SOAT2: variants seen among roughly 807,000 people sequenced by gnomAD.
SOAT2 encodes the protein sterol O-acyltransferase 2.
Under a neutral mutation model 76.0 loss-of-function variants are expected in SOAT2, and 87 were observed. The ratio of observed to expected loss-of-function variants is 1.14; its 90% CI spans 0.96 to 1.37. The LOEUF is 1.37. Ranked by LOEUF, SOAT2 falls within the 40% of genes most tolerant of loss-of-function variation. SOAT2 has a pLI of 0.00. For synonymous variants in SOAT2, 285 were observed against 275.4 expected (o/e 1.03, Z -0.34); for missense variants, 686 against 682.1 (o/e 1.01, Z -0.06).
At position 53,115,700 on chromosome 12, in the gene SOAT2, G is replaced by C. The variant is rs996535344; in HGVS notation, c.708+46G>C. The C allele has an allele frequency of 6.1e-6, 9 of 1,465,364 alleles. No homozygotes were observed. The Admixed American group carries it at 7.5e-5, about 12-fold the overall frequency. 90.8% of individuals were successfully genotyped at this position (1,465,364 alleles called of 1,614,324 possible). On this transcript the variant is annotated intron_variant, in intron 6 of 14. Coordinates refer to ENST00000301466, the MANE Select transcript of SOAT2 (RefSeq NM_003578.4). ...ACGGACAGGAAGGAACCAGCTGGTG[G>C]GGCCATCTCAGCAGAGGGGGAGTCC...
At position 53,124,459 on chromosome 12, in the gene SOAT2, A is replaced by C. The variant is rs1452739255; in HGVS notation, c.*336A>C. 3.0e-6 allele frequency: 1 copy of C among 331,466 alleles called. No homozygotes were observed. The highest frequency in any genetic ancestry group is 5.5e-6 in the Non-Finnish European group (1 of 180,236). 20.5% of individuals were successfully genotyped at this position (331,466 alleles called of 1,614,324 possible). On this transcript the variant is annotated 3_prime_UTR_variant, in exon 15 of 15. Coordinates refer to ENST00000301466, the MANE Select transcript of SOAT2 (RefSeq NM_003578.4). ...GGAACTCAGAGGAACTGGGGCCACC[A>C]AGGTTGGAAAAGGGTTTGGTTCTTG...
intron 3 of SOAT2, 55 bp from the exon 4 acceptor site, chr12:53,105,506 C>T: frequency 6.5e-7 from 1 of 1,528,904 alleles, no homozygotes; most frequent in African/African-American, 1.4e-5. Flanking sequence ...TTCTGCATGG[C>T]CCTGCCCTCT....
At chr12:53,106,108 G>A in intron 5 of SOAT2, 94 bp downstream of exon 5, 1 of 804,374 alleles carries the variant, frequency 1.2e-6, no homozygotes, top group South Asian at 1.5e-5. Context: ...AGAGGACACA[G>A]GTTCCCCCTT....
chr12:53,108,321 T>A (rs1937965613), intron 5 of SOAT2, among the ~76,000 whole-genome samples: 1 of 152,256 alleles, frequency 6.6e-6, no homozygotes, highest in South Asian at 2.1e-4. Context: ...TTTATTGGCT[T>A]CATAAGTCAA....
At position 53,118,396 on chromosome 12, in the gene SOAT2, C is replaced by T. The variant is rs1483629947; in HGVS notation, c.825C>T (p.Leu275=). The T allele has an allele frequency of 6.2e-7, 1 of 1,613,842 alleles. No homozygotes were observed. The highest frequency in any genetic ancestry group is 8.5e-7 in the Non-Finnish European group (1 of 1,179,862). Reference sequence around the variant, plus strand: ...GTTTCTCCAGCTACCTCTACTTCCTCTTCTGCCCAACACTCATCTACAGGG... The same window carrying T: ...GTTTCTCCAGCTACCTCTACTTCCTTTTCTGCCCAACACTCATCTACAGGG... ...APSFSSYLYF[L]FCPTLIYRET... is the part of the protein sequence containing the mutation. Residue 275 remains leucine (L), a synonymous_variant, in exon 8 of 15, where the codon CTC becomes CTT. Transcript: ENST00000301466.
chr12:53,122,686 AT>A (rs1307840543), intron 12 of SOAT2, among the ~76,000 whole-genome samples: 3 of 151,922 alleles, frequency 2.0e-5, no homozygotes, highest in Non-Finnish European at 2.9e-5. Flanking sequence ...AGGCAGAAGA[AT>A]TTTTCTTAGT....
At chr12:53,119,291 T>C (rs779074197) in intron 10 of SOAT2, 38 bp downstream of exon 10, 2 of 1,606,708 alleles carry the variant, frequency 1.2e-6, no homozygotes, top group South Asian at 1.1e-5. Flanking sequence ...AGCTGTGCCC[T>C]GGGGAAGGCT....
intron 13 of SOAT2, 146 bp downstream of exon 13, chr12:53,123,362 T>C: frequency 9.6e-7 from 1 of 1,038,440 alleles, no homozygotes; most frequent in Non-Finnish European, 1.4e-6. Context: ...GTCAAGGGGG[T>C]ACTTGGAAAG....
chr12:53,113,679 T>C (rs2463115), intron 5 of SOAT2, among the ~76,000 whole-genome samples: 28,415 of 152,194 alleles, frequency 0.19, 3,397 homozygotes, highest in African/African-American at 0.35. Context: ...ACCAGGCCAA[T>C]TAAAAATTAT....
At chr12:53,115,320 TCA>T (rs1386696659) in intron 5 of SOAT2, 68 bp from the exon 6 acceptor site, 3 of 1,491,602 alleles carry the variant, frequency 2.0e-6, no homozygotes, top group Non-Finnish European at 2.7e-6. Flanking sequence ...TTCCAGGAGC[TCA>T]GACTGAAGAG....
intron 5 of SOAT2, among the ~76,000 whole-genome samples, chr12:53,108,090 C>T (rs896604815): frequency 6.6e-6 from 1 of 152,252 alleles, no homozygotes. Context: ...GATGGAACTT[C>T]GTTCCATAGA....
chr12:53,117,265 T>TTTA (rs1302053854), intron 7 of SOAT2, among the ~76,000 whole-genome samples: 3 of 144,506 alleles, frequency 2.1e-5, no homozygotes, highest in African/African-American at 7.7e-5. Flanking sequence ...CCGGCCAATT[T>TTTA]TTTTTTTTTT....
chr12:53,115,400 G>A lies in SOAT2; in HGVS notation c.454G>A (p.Glu152Lys), dbSNP rs370999764. The change falls in exon 6 of 15, where the codon GAG becomes AAG. Residue 152 changes from glutamate (E) to lysine (K), a missense_variant. Physicochemically the swap from Glu to Lys is moderately conservative, Grantham distance 56 (BLOSUM62 1). Coordinates refer to ENST00000301466, the MANE Select transcript of SOAT2 (RefSeq NM_003578.4). The part of the protein sequence containing the change: ...DFIDEGRLLL[E>K]FDLLIFSFGQ... The stretch of plus-strand genomic sequence containing the variant: ...CTTCCCCACTCCAAGGCTGCTGCTG[G>A]AGTTTGACCTACTGATCTTCAGCTT... 1.2e-4 allele frequency: 195 copies of A among 1,605,320 alleles called. No homozygotes were observed. Among genetic ancestry groups the A allele is most frequent in the Non-Finnish European group, 1.5e-4 (180 of 1,175,564 alleles).
intron 9 of SOAT2, 86 bp from the exon 10 acceptor site, chr12:53,119,038 G>T: frequency 1.2e-6 from 2 of 1,610,570 alleles, no homozygotes; most frequent in African/African-American, 1.3e-5. Flanking sequence ...GCCAAGGGAA[G>T]AGAAGGCCAG....
At chr12:53,116,692 G>T (rs2121291859) in intron 7 of SOAT2, among the ~76,000 whole-genome samples, 1 of 152,016 alleles carries the variant, frequency 6.6e-6, no homozygotes, top group South Asian at 2.1e-4. Flanking sequence ...AGTGAGATGG[G>T]GTCTCACTTC....
At chr12:53,104,314 C>CA (rs1937893722) in intron 2 of SOAT2, 108 bp downstream of exon 2, 1 of 699,960 alleles carries the variant, frequency 1.4e-6, no homozygotes, top group South Asian at 1.6e-5. Context: ...TTTTTTGAAA[C>CA]AAAGTCTCGC....
At chr12:53,108,056 A>G (rs1169780343) in intron 5 of SOAT2, among the ~76,000 whole-genome samples, 1 of 152,250 alleles carries the variant, frequency 6.6e-6, no homozygotes, top group African/African-American at 2.4e-5. Flanking sequence ...AATTAGTTTC[A>G]CATAGGCCTT....
chr12:53,115,645 C>CTTCGAGCA lies in SOAT2; in HGVS notation c.700_707dup (p.Gln236HisfsTer8). On this transcript the variant is annotated frameshift_variant, in exon 6 of 15. Transcript: ENST00000301466. LOFTEE classifies it high-confidence loss of function. ...CGCCGGCCTCCCGTTGTGTCCTGGT[C>CTTCGAGCA]TTCGAGCAGGTGAGGGCCGAGCCCT... is the stretch of plus-strand genomic sequence containing the variant. 6.5e-7 allele frequency: 1 copy of CTTCGAGCA among 1,536,966 alleles called. No individual in the cohort carries two copies.
At position 53,123,134 on chromosome 12, in the gene SOAT2, C is replaced by T. The variant is rs1293741700; in HGVS notation, c.1290C>T (p.Ser430=). 3.7e-6 allele frequency: 6 copies of T among 1,614,050 alleles called. No homozygotes were observed. Among genetic ancestry groups the T allele is most frequent in the African/African-American group, 2.7e-5 (2 of 75,042 alleles). The change falls in exon 13 of 15, where the codon TCC becomes TCT. Residue 430 remains serine, a synonymous_variant. Transcript: ENST00000301466. The part of the protein sequence containing the change: ...GVAMLGVFLV[S]AVAHEYIFCF... ...CCATGCTGGGTGTGTTCCTGGTCTC[C>T]GCAGTGGCCCATGAGTATATCTTCT...
Sources: allele counts gnomAD v4.1 joint callset (sites outside exome capture counted in the v4.1 genomes callset), GRCh38; gene constraint gnomAD v4.1.1; transcripts MANE v1.5; gene names NCBI Gene and HGNC (gene_info 2026-07-23, HGNC 2026-07-21).